Variants in RNF38 observed in about 807,000 individuals in gnomAD.
RNF38 encodes the protein E3 ubiquitin-protein ligase RNF38.
In RNF38, 15 loss-of-function variants were observed where a neutral mutation model predicts 67.2. The ratio of observed to expected loss-of-function variants is 0.22; its 90% CI spans 0.15 to 0.34. The LOEUF (loss-of-function observed/expected upper bound fraction) is 0.34. RNF38 is among the 10% of genes least tolerant of loss of function. The pLI is 1.00. For missense variants in RNF38, 524 were observed against 639.9 expected (o/e 0.82, Z 1.95); for synonymous variants, 220 against 218.8 (o/e 1.01, Z -0.05).
chr9:36,454,581 T>TC (rs1491147449), intron 1 of RNF38, among the ~76,000 whole-genome samples: 1 of 13,966 alleles, frequency 7.2e-5, no homozygotes, highest in Non-Finnish European at 1.5e-4. Flanking sequence ...ATTAATTTAC[T>TC]TTTTTTTTTT....
intron 1 of RNF38, among the ~76,000 whole-genome samples, chr9:36,478,429 C>T (rs889901264): frequency 2.2e-5 from 3 of 134,904 alleles, no homozygotes; most frequent in Non-Finnish European, 3.2e-5. Context: ...AAAAAGAGAG[C>T]GTTTATTAAG....
chr9:36,372,264 C>G (rs1487539800), intron 3 of RNF38, among the ~76,000 whole-genome samples: 1 of 152,134 alleles, frequency 6.6e-6, no homozygotes, highest in Non-Finnish European at 1.5e-5. Context: ...TAAGTTTTAC[C>G]AGCTAACATT....
At chr9:36,476,009 CA>C (rs139323204) in intron 1 of RNF38, among the ~76,000 whole-genome samples, 67,703 of 109,306 alleles carry the variant, frequency 0.62, 17,471 homozygotes, top group Non-Finnish European at 0.65. Context: ...ACTCTGTTTC[CA>C]AAAAAAAAAA....
chr9:36,453,637 C>A (rs1839514624), intron 1 of RNF38, among the ~76,000 whole-genome samples: 1 of 152,154 alleles, frequency 6.6e-6, no homozygotes, highest in African/African-American at 2.4e-5. Flanking sequence ...ACTGCCTTGG[C>A]CTCCCAAAGT....
chr9:36,370,607 T>A (rs1467319730), intron 3 of RNF38, among the ~76,000 whole-genome samples: 1 of 152,160 alleles, frequency 6.6e-6, no homozygotes, highest in Non-Finnish European at 1.5e-5. Context: ...GAATTTTAAA[T>A]TAGAATTTGC....
In RNF38 at chr9:36,337,453, G is replaced by A. The variant is rs764352860; in HGVS notation, c.*2299C>T. 2.0e-5 allele frequency: 3 copies of A among 152,594 alleles called. No individual in the cohort carries two copies. The highest frequency in any genetic ancestry group is 4.4e-5 in the Non-Finnish European group (3 of 67,958). 9.5% of individuals were successfully genotyped at this position (152,594 alleles called of 1,614,324 possible). A position where few individuals can be genotyped will look rare whatever the true frequency, so the allele number is the denominator to read the frequency against. ...TATAAGAATTCATAGAGGGAGAGAA[G>A]AAAAAGCTGCTACTCCTAGTCATTA... On this transcript the variant is annotated 3_prime_UTR_variant, in exon 12 of 12. Coordinates refer to ENST00000259605, the MANE Select transcript of RNF38 (RefSeq NM_022781.5).
At chr9:36,453,347 TG>T (rs1839505249) in intron 1 of RNF38, among the ~76,000 whole-genome samples, 1 of 151,628 alleles carries the variant, frequency 6.6e-6, no homozygotes, top group African/African-American at 2.4e-5. Flanking sequence ...CTCCAGTAGC[TG>T]GGACCACAGG....
intron 3 of RNF38, among the ~76,000 whole-genome samples, chr9:36,371,874 C>T (rs1277022769): frequency 1.3e-5 from 2 of 152,026 alleles, no homozygotes; most frequent in East Asian, 1.9e-4. Flanking sequence ...TGCCCCGTTA[C>T]ACTACATTCT....
At chr9:36,477,833 A>AAAG (rs201199856) in intron 1 of RNF38, among the ~76,000 whole-genome samples, 9,251 of 147,378 alleles carry the variant, frequency 0.063, 364 homozygotes, top group South Asian at 0.14. Flanking sequence ...AAAAAAAAAA[A>AAAG]AAAGAAAGAA....
intron 1 of RNF38, among the ~76,000 whole-genome samples, chr9:36,425,387 G>T (rs567407127): frequency 6.6e-4 from 100 of 152,248 alleles, no homozygotes; most frequent in African/African-American, 2.4e-3. Flanking sequence ...AGACAAAAAT[G>T]TTACATTTTT....
intron 1 of RNF38, among the ~76,000 whole-genome samples, chr9:36,427,352 C>T (rs1199726550): frequency 1.3e-5 from 2 of 152,172 alleles, no homozygotes; most frequent in African/African-American, 4.8e-5. Flanking sequence ...ACCTACAGAC[C>T]CCAATGAGAT....
At chr9:36,389,008 G>T (rs140743252) in intron 2 of RNF38, among the ~76,000 whole-genome samples, 77 of 152,218 alleles carry the variant, frequency 5.1e-4, no homozygotes, top group Admixed American at 9.2e-4. Context: ...CAAAGGGGTT[G>T]TGAGAAAGAT....
At chr9:36,381,553 C>CCCCT (rs1554686087) in intron 2 of RNF38, among the ~76,000 whole-genome samples, 1 of 152,228 alleles carries the variant, frequency 6.6e-6, no homozygotes, top group Non-Finnish European at 1.5e-5. Context: ...AACTCACACA[C>CCCCT]CCCTACAGGT....
chr9:36,446,111 A>G (rs1839294852), intron 1 of RNF38, among the ~76,000 whole-genome samples: 1 of 152,186 alleles, frequency 6.6e-6, no homozygotes, highest in Non-Finnish European at 1.5e-5. Flanking sequence ...GTGGTCCATG[A>G]GCACACCTGA....
chr9:36,483,843 G>A (rs1468903815), intron 1 of RNF38, among the ~76,000 whole-genome samples: 1 of 151,784 alleles, frequency 6.6e-6, no homozygotes, highest in Non-Finnish European at 1.5e-5. Flanking sequence ...GTTGACACAT[G>A]TGTTAAAATC....
chr9:36,359,645 G>A (rs189591838), intron 4 of RNF38, among the ~76,000 whole-genome samples: 3 of 151,770 alleles, frequency 2.0e-5, no homozygotes, highest in East Asian at 3.9e-4. Flanking sequence ...TTATTCTTAC[G>A]TATAAAATCA....
chr9:36,442,895 A>G (rs540929120), intron 1 of RNF38, among the ~76,000 whole-genome samples: 1 of 152,352 alleles, frequency 6.6e-6, no homozygotes, highest in East Asian at 1.9e-4. Flanking sequence ...AGCTTCCAAG[A>G]ATAGGCTACA....
intron 1 of RNF38, among the ~76,000 whole-genome samples, chr9:36,436,713 C>T (rs993880581): frequency 1.3e-5 from 2 of 149,432 alleles, no homozygotes; most frequent in African/African-American, 4.9e-5. Flanking sequence ...GTCCCAGCTA[C>T]TTGGGAGGCT....
intron 1 of RNF38, among the ~76,000 whole-genome samples, chr9:36,476,519 C>CTTTTTTTTTTTTTTTTTT (rs67780076): frequency 1.1e-5 from 1 of 94,132 alleles, no homozygotes; most frequent in Non-Finnish European, 2.1e-5. Flanking sequence ...ATCGGGCAAT[C>CTTTTTTTTTTTTTTTTTT]TTTTTTTTTT....
Sources: gnomAD v4.1 joint callset for allele counts (sites outside exome capture counted in the v4.1 genomes callset) on GRCh38, gnomAD v4.1.1 for gene constraint, MANE v1.5 for transcripts, NCBI Gene and HGNC (gene_info 2026-07-23, HGNC 2026-07-21) for gene names.